DIPK1C: variants seen among roughly 807,000 people sequenced by gnomAD.
The protein encoded by DIPK1C is familial non-conventional Alzheimer's dementia.
In DIPK1C, 33 loss-of-function variants were observed where a neutral mutation model predicts 28.0. That is an observed-to-expected ratio of 1.18 (90% confidence interval 0.89 to 1.58). DIPK1C has a LOEUF of 1.58. Ranked by LOEUF, DIPK1C falls within the 40% of genes most tolerant of loss-of-function variation. The pLI, the probability that DIPK1C is intolerant of heterozygous loss-of-function variation, is 0.00. For missense variants in DIPK1C, 569 were observed against 568.5 expected (o/e 1.00, Z -0.01); for synonymous variants, 255 against 248.8 (o/e 1.02, Z -0.23).
chr18:74,449,171 C>A (rs1986341385), intron 1 of DIPK1C, among the ~76,000 whole-genome samples: 1 of 152,028 alleles, frequency 6.6e-6, no homozygotes, highest in Non-Finnish European at 1.5e-5. Flanking sequence ...ACTCATTTGA[C>A]CTTATGTGGT....
At chr18:74,442,564 C>T (rs867727640) in intron 2 of DIPK1C, among the ~76,000 whole-genome samples, 1 of 152,166 alleles carries the variant, frequency 6.6e-6, no homozygotes, top group East Asian at 1.9e-4. Flanking sequence ...CTCCTGACCT[C>T]CTGATCTGCC....
rs905697242 is a variant in DIPK1C, at chr18:74,447,156, C to T, written c.326G>A (p.Arg109His). The change falls in exon 2 of 4, where the codon CGC becomes CAC. Residue 109 changes from arginine to histidine, a missense_variant. Coordinates refer to ENST00000343998, the MANE Select transcript of DIPK1C (RefSeq NM_001044369.3). This position sits in a 1 kb window ranked among gnomAD's most constrained non-coding sequence, Gnocchi z 4.1. ...GGACTTGAGGACCACGGGCCGGCCG[C>T]GCCAGTCGGCCTGCAGCACCTTCTT... Reference protein sequence around the residue: ...RGKKVLQADWRGRPVVLKSKE... With the variant: ...RGKKVLQADWHGRPVVLKSKE... 3.2e-6 allele frequency: 5 copies of T among 1,550,458 alleles called. No individual in the cohort carries two copies. The South Asian group carries it at 3.6e-5, about 11-fold the overall frequency.
intron 1 of DIPK1C, among the ~76,000 whole-genome samples, chr18:74,448,187 TTC>T (rs1986317138): frequency 6.6e-6 from 1 of 152,174 alleles, no homozygotes. Flanking sequence ...TGTCATCCTC[TTC>T]TCTCTTTTGT....
intron 2 of DIPK1C, among the ~76,000 whole-genome samples, chr18:74,444,565 T>A (rs1986217513): frequency 1.3e-5 from 2 of 152,230 alleles, no homozygotes; most frequent in Admixed American, 6.5e-5. Flanking sequence ...CGTTTCAGAT[T>A]CAATAGGTCT....
chr18:74,457,344 C>A, upstream of DIPK1C: 1 of 945,172 alleles, frequency 1.1e-6, no homozygotes, highest in Non-Finnish European at 1.3e-6. Context: ...CTCAGGCCCG[C>A]TCGGCGGGGA....
chr18:74,461,979 C>G (rs578142951), upstream of DIPK1C, among the ~76,000 whole-genome samples: 7 of 152,286 alleles, frequency 4.6e-5, no homozygotes, highest in African/African-American at 1.4e-4. Context: ...CCAGTCTGGT[C>G]TCAAACTCCT....
At chr18:74,436,900 C>T (rs1599033801) in intron 3 of DIPK1C, among the ~76,000 whole-genome samples, 181 bp from the exon 4 acceptor site, 3 of 146,570 alleles carry the variant, frequency 2.0e-5, no homozygotes, top group Admixed American at 1.4e-4. Context: ...GCCCCTTAAA[C>T]CCTTCAGCAC....
intron 1 of DIPK1C, among the ~76,000 whole-genome samples, chr18:74,453,672 C>T (rs1986445693): frequency 6.6e-6 from 1 of 152,144 alleles, no homozygotes; most frequent in African/African-American, 2.4e-5. Context: ...AAATGATTTG[C>T]TATGGAAGGG....
the DIPK1C span, among the ~76,000 whole-genome samples, chr18:74,463,146 G>A: frequency 6.6e-6 from 1 of 152,180 alleles, no homozygotes; most frequent in Non-Finnish European, 1.5e-5. Flanking sequence ...GTACACATGA[G>A]CACAGTGTTA....
intron 3 of DIPK1C, among the ~76,000 whole-genome samples, chr18:74,439,831 A>C (rs1177726875): frequency 6.6e-6 from 1 of 152,232 alleles, no homozygotes; most frequent in Non-Finnish European, 1.5e-5. Context: ...AAATAAAATA[A>C]AACAGAAATA....
chr18:74,445,841 C>G (rs953228951), intron 2 of DIPK1C, among the ~76,000 whole-genome samples: 10 of 152,180 alleles, frequency 6.6e-5, no homozygotes, highest in Admixed American at 2.6e-4. Context: ...ATGGTCCCAG[C>G]GACTGGCACA....
chr18:74,447,175 C>A lies in DIPK1C; in HGVS notation c.307G>T (p.Val103Leu), dbSNP rs2144522395. Reference sequence around the variant, plus strand: ...CGGCCGCGCCAGTCGGCCTGCAGCACCTTCTTGCCTCTGTTGTAGTGCAGG... The same window carrying A: ...CGGCCGCGCCAGTCGGCCTGCAGCAACTTCTTGCCTCTGTTGTAGTGCAGG... ...RCLHYNRGKK[V>L]LQADWRGRPV... Residue 103 changes from valine to leucine, a missense_variant, in exon 2 of 4, where the codon GTG (valine) becomes TTG (leucine). By Grantham distance (32) the Val-to-Leu change is conservative. Coordinates refer to ENST00000343998, the MANE Select transcript of DIPK1C (RefSeq NM_001044369.3). This position sits in a 1 kb window ranked among gnomAD's most constrained non-coding sequence, Gnocchi z 4.1. 1.3e-6 allele frequency: 2 copies of A among 1,550,572 alleles called. No homozygotes were observed. Among genetic ancestry groups the A allele is most frequent in the East Asian group, 2.4e-5 (1 of 40,916 alleles).
intron 1 of DIPK1C, among the ~76,000 whole-genome samples, chr18:74,453,779 G>A (rs891026388): frequency 2.6e-5 from 4 of 152,188 alleles, no homozygotes; most frequent in Non-Finnish European, 4.4e-5. Flanking sequence ...TCATGTCCTG[G>A]CTCCTCACCA....
chr18:74,452,986 T>C (rs1332831706), intron 1 of DIPK1C, among the ~76,000 whole-genome samples: 1 of 152,152 alleles, frequency 6.6e-6, no homozygotes, highest in Non-Finnish European at 1.5e-5. Context: ...AAAAAACAAG[T>C]TAAAGTCTCA....
Position 74,447,121 on chromosome 18 carries a change from C to T in DIPK1C, c.361G>A (p.Ala121Thr). 6.4e-7 allele frequency: 1 copy of T among 1,550,558 alleles called. No individual in the cohort carries two copies. The highest frequency in any genetic ancestry group is 1.2e-5 in the South Asian group (1 of 84,060). The change falls in exon 2 of 4, where the codon GCC becomes ACC. Residue 121 changes from alanine to threonine, a missense_variant. Coordinates refer to ENST00000343998, the MANE Select transcript of DIPK1C (RefSeq NM_001044369.3). The surrounding 1 kb of genome is among the most constrained non-coding windows in gnomAD (Gnocchi z 4.1). ...RPVVLKSKEE[A>T]FSSFPPLSLL... ...CTGAGGGGCGGGAAGCTGGAGAAGGCCTCCTCCTTGGACTTGAGGACCACG... is the reference window on the plus strand; with the variant it reads ...CTGAGGGGCGGGAAGCTGGAGAAGGTCTCCTCCTTGGACTTGAGGACCACG...
chr18:74,457,462 C>T (rs1000520901), upstream of DIPK1C, among the ~76,000 whole-genome samples: 6 of 151,984 alleles, frequency 3.9e-5, no homozygotes, highest in Non-Finnish European at 8.8e-5. Context: ...CCCCGAGCAC[C>T]CACTGGGGGT....
At chr18:74,459,947 G>A (rs1261998611), upstream of DIPK1C, among the ~76,000 whole-genome samples, 1 of 152,192 alleles carries the variant, frequency 6.6e-6, no homozygotes, top group African/African-American at 2.4e-5. Context: ...TCATTCCCCA[G>A]TCACAGGGGC....
intron 3 of DIPK1C, among the ~76,000 whole-genome samples, chr18:74,439,312 T>C (rs1167628418): frequency 6.6e-6 from 1 of 152,162 alleles, no homozygotes; most frequent in African/African-American, 2.4e-5. Context: ...AGGAGGGAGC[T>C]ACCATGGTGT....
rs557106844 is a variant in DIPK1C, at chr18:74,440,254, A to G, written c.1041+1698T>C. ...TTGTAAATATTAATTTGTAACCTGCATTTTTTTCACCTAATAATGCTTCAT... is the reference window on the plus strand; with the variant it reads ...TTGTAAATATTAATTTGTAACCTGCGTTTTTTTCACCTAATAATGCTTCAT... On this transcript the variant is annotated intron_variant, in intron 3 of 3. Coordinates refer to ENST00000343998, the MANE Select transcript of DIPK1C (RefSeq NM_001044369.3). Among the ~76,000 whole-genome samples the G allele has an allele frequency of 1.1e-4, 16 of 152,246 alleles. No homozygotes were observed. In the South Asian group the frequency reaches 3.3e-3, roughly 32 times the overall value.
Sources: gnomAD v4.1 joint callset for allele counts (sites outside exome capture counted in the v4.1 genomes callset) on GRCh38, gnomAD v4.1.1 for gene constraint, Gnocchi (gnomAD v3.1) non-coding constraint, MANE v1.5 for transcripts, NCBI Gene and HGNC (gene_info 2026-07-23, HGNC 2026-07-21) for gene names.